Variants in MACROD2 observed in about 807,000 individuals in gnomAD.
The protein encoded by MACROD2 is mono-ADP ribosylhydrolase 2.
In MACROD2, 36 loss-of-function variants were observed where a neutral mutation model predicts 70.4. The observed-to-expected ratio is 0.51, with a 90% CI of 0.39 to 0.68. The LOEUF (loss-of-function observed/expected upper bound fraction) is 0.68. Among genes scored for constraint, MACROD2 ranks in the 30% least tolerant of loss-of-function variants. MACROD2 has a pLI of 0.00. For missense variants in MACROD2, 496 were observed against 538.4 expected (o/e 0.92, Z 0.78); for synonymous variants, 172 against 178.8 (o/e 0.96, Z 0.30).
chr20:14,888,570 G>A (rs931718462), intron 5 of MACROD2: 3 of 152,144 alleles, frequency 2.0e-5, no homozygotes, highest in Non-Finnish European at 4.4e-5. Flanking sequence ...TACATGGCCA[G>A]AGGGACATGC....
chr20:15,858,126 A>AG (rs1448576364), intron 8 of MACROD2, among the ~76,000 whole-genome samples: 4 of 151,936 alleles, frequency 2.6e-5, no homozygotes, highest in East Asian at 3.9e-4. Flanking sequence ...TGGGAAAAAA[A>AG]AAATCACTCG....
intron 5 of MACROD2, among the ~76,000 whole-genome samples, chr20:14,828,081 T>TTTCCTG (rs2072922937): frequency 2.0e-5 from 3 of 152,092 alleles, no homozygotes; most frequent in Non-Finnish European, 4.4e-5. Flanking sequence ...ATATACCAAT[T>TTTCCTG]AAAGGTAAGC....
intron 8 of MACROD2, among the ~76,000 whole-genome samples, chr20:15,780,217 A>G (rs949725957): frequency 6.6e-6 from 1 of 152,172 alleles, no homozygotes; most frequent in Non-Finnish European, 1.5e-5. Context: ...CAAGTTAAAC[A>G]AACAGAAAAA....
At chr20:14,939,560 T>G (rs1336135935) in intron 5 of MACROD2, among the ~76,000 whole-genome samples, 1 of 152,130 alleles carries the variant, frequency 6.6e-6, no homozygotes, top group Non-Finnish European at 1.5e-5. Flanking sequence ...TCAGGATTAC[T>G]TTGGCTATTT....
In MACROD2 at chr20:14,326,167, G is replaced by C; in HGVS notation, c.272-167312G>C. The C allele has an allele frequency of 6.2e-7, 1 of 1,613,826 alleles. No homozygotes were observed. Among genetic ancestry groups the C allele is most frequent in the Non-Finnish European group, 8.5e-7 (1 of 1,179,862 alleles). On this transcript the variant is annotated intron_variant, in intron 3 of 17. Coordinates refer to ENST00000684519, the MANE Select transcript of MACROD2 (RefSeq NM_001351661.2). This position sits in a 1 kb window ranked among gnomAD's most constrained non-coding sequence, Gnocchi z 5.5. ...TGTTTCTGTTATAGATCCAAATGCC[G>C]GGCTATGGCCCAGTTTAAGCCAGCT...
Position 15,593,955 on chromosome 20 carries a change from G to A in MACROD2, c.645+94108G>A, listed in dbSNP as rs539699039. ...CAAGGTCTTTGGTGAGGTATGGGTT[G>A]GTAAACAGAAAAAGCAGTGGCCAAA... On this transcript the variant is annotated intron_variant, in intron 8 of 17. Transcript: ENST00000684519. Among the ~76,000 whole-genome samples the A allele has an allele frequency of 3.3e-5, 5 of 152,230 alleles. No individual in the cohort carries two copies. In the South Asian group the frequency reaches 8.3e-4, roughly 25 times the overall value.
Position 14,151,811 on chromosome 20 carries a change from C to CTTT in MACROD2, c.271+66109_271+66111dup, listed in dbSNP as rs144065987. On this transcript the variant is annotated intron_variant, in intron 3 of 17. Coordinates refer to ENST00000684519, the MANE Select transcript of MACROD2 (RefSeq NM_001351661.2). ...GGTAATTGGCCTTGTTGTATTGTATCTTTTTTTTTTTTTTTTTTTTTTTTT... is the reference window on the plus strand; with the variant it reads ...GGTAATTGGCCTTGTTGTATTGTATCTTTTTTTTTTTTTTTTTTTTTTTTTTTT... Among the ~76,000 whole-genome samples the CTTT allele has an allele frequency of 6.2e-4, 37 of 59,216 alleles. 2 individuals carry two copies. Among genetic ancestry groups the CTTT allele is most frequent in the African/African-American group, 7.7e-4 (11 of 14,230 alleles). The allele number at this position is 59,216 out of a possible 152,430, so 38.8% of individuals were successfully genotyped here. A position where few individuals can be genotyped will look rare whatever the true frequency, so the allele number is the denominator to read the frequency against.
At chr20:14,123,360 A>G (rs530102768) in intron 3 of MACROD2, among the ~76,000 whole-genome samples, 6 of 152,264 alleles carry the variant, frequency 3.9e-5, no homozygotes, top group East Asian at 3.9e-4. Flanking sequence ...CTCAGCTGCT[A>G]TGTGGCATTG....
intron 5 of MACROD2, among the ~76,000 whole-genome samples, chr20:15,211,783 G>A (rs1458800046): frequency 6.6e-6 from 1 of 152,178 alleles, no homozygotes; most frequent in South Asian, 2.1e-4. Context: ...CCAGCCTCAG[G>A]TGTTCCTTTA....
At position 14,779,910 on chromosome 20, in the gene MACROD2, G is replaced by T. The variant is rs564002224; in HGVS notation, c.418+94951G>T. ...ATAAAGACAATGGCATATGCAGCTT[G>T]TAGTTTGTTGCTATGAGCCAGGCCC... is the stretch of plus-strand genomic sequence containing the variant. On this transcript the variant is annotated intron_variant, in intron 5 of 17. Coordinates refer to ENST00000684519, the MANE Select transcript of MACROD2 (RefSeq NM_001351661.2). Among the ~76,000 whole-genome samples the T allele has an allele frequency of 4.9e-4, 74 of 152,230 alleles. 1 individual carries two copies. The highest frequency in any genetic ancestry group is 1.7e-3 in the African/African-American group (71 of 41,484).
chr20:15,676,775 A>G (rs1216359250), intron 8 of MACROD2, among the ~76,000 whole-genome samples: 1 of 152,198 alleles, frequency 6.6e-6, no homozygotes, highest in African/African-American at 2.4e-5. Flanking sequence ...TCAGAGCCAT[A>G]AGTTTATAAT....
At chr20:14,186,171 T>C (rs1373472731) in intron 3 of MACROD2, among the ~76,000 whole-genome samples, 1 of 152,184 alleles carries the variant, frequency 6.6e-6, no homozygotes, top group Non-Finnish European at 1.5e-5. Flanking sequence ...CTAGGTTCTA[T>C]AGAGAATAAA....
At chr20:15,352,238 C>A (rs1407373796) in intron 6 of MACROD2, among the ~76,000 whole-genome samples, 1 of 152,170 alleles carries the variant, frequency 6.6e-6, no homozygotes, top group Non-Finnish European at 1.5e-5. Flanking sequence ...CCCATTATTT[C>A]TCCCTGTGTT....
intron 6 of MACROD2, among the ~76,000 whole-genome samples, chr20:15,243,046 T>C (rs1035733128): frequency 2.6e-5 from 4 of 152,330 alleles, no homozygotes; most frequent in Middle Eastern, 3.4e-3. Flanking sequence ...GTGAGGAGTC[T>C]AGACCTGTAC....
chr20:15,762,357 C>T (rs1244555950), intron 8 of MACROD2, among the ~76,000 whole-genome samples: 1 of 152,106 alleles, frequency 6.6e-6, no homozygotes, highest in East Asian at 1.9e-4. Flanking sequence ...GGTCTGTCTG[C>T]CCTCAATTCC....
chr20:14,127,712 A>G (rs2054669874), intron 3 of MACROD2: 1 of 419,878 alleles, frequency 2.4e-6, no homozygotes, highest in Non-Finnish European at 4.6e-6. Context: ...ACGTGATACA[A>G]TCTACACCAG....
rs577572927 is a variant in MACROD2, at chr20:14,458,825, CT to C, written c.272-34650del. Among the ~76,000 whole-genome samples the C allele has an allele frequency of 8.4e-3, 1,275 of 152,118 alleles. 29 individuals carry two copies. The highest frequency in any genetic ancestry group is 0.029 in the African/African-American group (1,198 of 41,452). On this transcript the variant is annotated intron_variant, in intron 3 of 17. Coordinates refer to ENST00000684519, the MANE Select transcript of MACROD2 (RefSeq NM_001351661.2). The stretch of plus-strand genomic sequence containing the variant: ...TTAGTAATGAGTGAAAAATTAAGTG[CT>C]TTTCAAAAGGAGCCCATGGAGAAAG...
chr20:15,028,846 G>T (rs1310906240), intron 5 of MACROD2, among the ~76,000 whole-genome samples: 1 of 152,184 alleles, frequency 6.6e-6, no homozygotes, highest in Non-Finnish European at 1.5e-5. Flanking sequence ...TGTTTGTTTT[G>T]TGCAGAGGCA....
intron 3 of MACROD2, among the ~76,000 whole-genome samples, chr20:14,213,361 C>CAAAGAAAAA (rs2081586196): frequency 3.3e-5 from 1 of 30,262 alleles, no homozygotes; most frequent in Non-Finnish European, 5.4e-5. Flanking sequence ...CTTCTAGTGG[C>CAAAGAAAAA]AAAAAAAAAA....
Sources: allele counts gnomAD v4.1 joint callset (sites outside exome capture counted in the v4.1 genomes callset), GRCh38; gene constraint gnomAD v4.1.1; non-coding constraint Gnocchi (gnomAD v3.1); transcripts MANE v1.5; gene names NCBI Gene and HGNC (gene_info 2026-07-23, HGNC 2026-07-21).